Variants in PPM1A observed in about 807,000 individuals in gnomAD.
The protein encoded by PPM1A is protein phosphatase, Mg2+/Mn2+ dependent 1A.
A neutral mutation model predicts 35.0 loss-of-function variants in PPM1A; 7 were observed. The observed-to-expected ratio is 0.20, with a 90% confidence interval of 0.11 to 0.38. PPM1A has a LOEUF of 0.38. Among genes scored for constraint, PPM1A ranks in the 10% least tolerant of loss-of-function variants. The probability of loss-of-function intolerance (pLI) is 1.00; values close to 1 mark genes in which losing one functional copy is unlikely to be tolerated. For synonymous variants in PPM1A, 153 were observed against 167.3 expected (o/e 0.91, Z 0.66); for missense variants, 239 against 467.8 (o/e 0.51, Z 4.51).
chr14:60,258,129 C>G (rs1316081196), intron 1 of PPM1A, among the ~76,000 whole-genome samples: 1 of 152,022 alleles, frequency 6.6e-6, no homozygotes, highest in African/African-American at 2.4e-5. Flanking sequence ...GGTGTTTCAA[C>G]TAGTCAGCCA....
chr14:60,288,433 G>A (rs1373054240), intron 3 of PPM1A: 9 of 984,406 alleles, frequency 9.1e-6, no homozygotes, highest in African/African-American at 1.7e-5. Flanking sequence ...TTGTGAAATT[G>A]TGCAGTTTAG....
intron 1 of PPM1A, chr14:60,268,452 T>G (rs1884653357): frequency 1.1e-6 from 1 of 942,046 alleles, no homozygotes; most frequent in Non-Finnish European, 1.3e-6. Flanking sequence ...ATAGCCTGTT[T>G]GGCTTCTAAT....
rs1156651355 is a variant in PPM1A, at chr14:60,292,117, A to G, written c.1120-336A>G. Among the ~76,000 whole-genome samples the G allele has an allele frequency of 6.6e-6, 1 of 152,158 alleles. No individual in the cohort carries two copies. Among genetic ancestry groups the G allele is most frequent in the Non-Finnish European group, 1.5e-5 (1 of 68,008 alleles). On this transcript the variant is annotated intron_variant, in intron 5 of 5. Transcript: ENST00000395076. The surrounding 1 kb of genome is among the most constrained non-coding windows in gnomAD (Gnocchi z 4.2). ...AGTTCTTAATCTTTTCTGATGCATT[A>G]AAGGTTTATAAAAGTGGTATTCTAA...
rs117905686 is a variant in PPM1A, at chr14:60,268,620, T to C, written c.-20-14064T>C. On this transcript the variant is annotated intron_variant, in intron 1 of 5. Transcript: ENST00000395076. ...TTTTCTTTTTAGGTTGAATATTTAG[T>C]ATACTGATTTTCTTTAGTATACTGG... Among the ~76,000 whole-genome samples, 265 of 152,064 alleles carry C rather than the reference T, an allele frequency of 1.7e-3. 8 individuals carry two copies. In the East Asian group the frequency reaches 0.043, roughly 25 times the overall value.
chr14:60,287,005 T>G (rs1887088747), intron 3 of PPM1A: 1 of 905,984 alleles, frequency 1.1e-6, no homozygotes, highest in Admixed American at 6.2e-5. Context: ...AAACTATTGA[T>G]TCATGGGAAA....
intron 5 of PPM1A, among the ~76,000 whole-genome samples, chr14:60,291,784 A>G (rs868768003): frequency 1.4e-5 from 2 of 138,830 alleles, no homozygotes; most frequent in African/African-American, 2.7e-5. Flanking sequence ...AGTTGGGACT[A>G]TCTCTACTCA....
At position 60,289,830 on chromosome 14, in the gene PPM1A, G is replaced by T; in HGVS notation, c.977G>T (p.Gly326Val). The T allele has an allele frequency of 6.2e-7, 1 of 1,609,220 alleles. No individual in the cohort carries two copies. The highest frequency in any genetic ancestry group is 8.5e-7 in the Non-Finnish European group (1 of 1,178,380). ...GAAATCATAAAGAAGCAGGGGGAAG[G>T]CGTCCCCGACTTAGTCCATGTGATG... is the stretch of plus-strand genomic sequence containing the variant. ...VEEIIKKQGE[G>V]VPDLVHVMRT... Residue 326 changes from glycine (G) to valine (V), a missense_variant, in exon 4 of 6, where the codon GGC (glycine) becomes GTC (valine). Physicochemically the swap from Gly to Val is moderately radical, Grantham distance 109. Around this residue, in one of 2 missense-constraint regions of PPM1A, gnomAD observed 64 missense variants for 78.6 expected, o/e 0.81. Transcript: ENST00000395076. The surrounding 1 kb of genome is among the most constrained non-coding windows in gnomAD (Gnocchi z 4.1).
intron 1 of PPM1A, among the ~76,000 whole-genome samples, chr14:60,251,632 G>A (rs1460173269): frequency 2.6e-5 from 4 of 152,090 alleles, no homozygotes; most frequent in Admixed American, 1.3e-4. Context: ...TATCAATATT[G>A]TGTGTCTAGT....
rs190104555 is a variant in PPM1A, at chr14:60,253,922, G to A, written c.-21+4245G>A. On this transcript the variant is annotated intron_variant, in intron 1 of 5. Coordinates refer to ENST00000395076, the MANE Select transcript of PPM1A (RefSeq NM_021003.5). ...GTTTGAGTCCCTGTTCTCCTATTTCGTAGCCAGGTGTTCCTGGGTAAGCTA... is the reference window on the plus strand; with the variant it reads ...GTTTGAGTCCCTGTTCTCCTATTTCATAGCCAGGTGTTCCTGGGTAAGCTA... Among the ~76,000 whole-genome samples, 71 of 152,250 alleles carry A rather than the reference G, an allele frequency of 4.7e-4. 1 individual carries two copies. The highest frequency in any genetic ancestry group is 8.3e-4 in the South Asian group (4 of 4,826).
At chr14:60,277,024 C>G in intron 1 of PPM1A, 1 of 1,186,134 alleles carries the variant, frequency 8.4e-7, no homozygotes, top group Non-Finnish European at 1.1e-6. Context: ...TTGAAAAGTT[C>G]AGATCAACTG....
rs1011238187 is a variant in PPM1A at position 60,297,387 on chromosome 14, T to G, written c.*4905T>G. The G allele has an allele frequency of 6.6e-6, 1 of 151,680 alleles. No homozygotes were observed. Among genetic ancestry groups the G allele is most frequent in the Non-Finnish European group, 1.5e-5 (1 of 67,672 alleles). 9.4% of individuals were successfully genotyped at this position (151,680 alleles called of 1,614,324 possible). On this transcript the variant is annotated 3_prime_UTR_variant, in exon 6 of 6. Coordinates refer to ENST00000395076, the MANE Select transcript of PPM1A (RefSeq NM_021003.5). ...CACATAAACCAACAAGAATGAACCT[T>G]TGCTGCTTCAGATAATTTGATTTTT...
rs1887816058 is a variant in PPM1A at position 60,293,358 on chromosome 14, T to TA, written c.*878dup. 1 of 152,010 alleles carries TA rather than the reference T, an allele frequency of 6.6e-6. No homozygotes were observed. Among genetic ancestry groups the TA allele is most frequent in the Non-Finnish European group, 1.5e-5 (1 of 67,952 alleles). 9.4% of individuals were successfully genotyped at this position (152,010 alleles called of 1,614,324 possible). On this transcript the variant is annotated 3_prime_UTR_variant, in exon 6 of 6. Coordinates refer to ENST00000395076, the MANE Select transcript of PPM1A (RefSeq NM_021003.5). This position sits in a 1 kb window ranked among gnomAD's most constrained non-coding sequence, Gnocchi z 4.0. ...AGCTTGATTTAACAAACAAGAAACT[T>TA]AATCATGTATGTGTAATTCCTCTTT...
In PPM1A at chr14:60,249,557, C is replaced by A; in HGVS notation, c.-141C>A. ...GCCCCTTCCCCAGCCTGACCTGGCC[C>A]GCCGCTGCAGCGGTGACCCCTCCCC... is the stretch of plus-strand genomic sequence containing the variant. On this transcript the variant is annotated 5_prime_UTR_variant, in exon 1 of 6. Transcript: ENST00000395076. This position sits in a 1 kb window ranked among gnomAD's most constrained non-coding sequence, Gnocchi z 4.5. 1 of 985,856 alleles carries A rather than the reference C, an allele frequency of 1.0e-6. No individual in the cohort carries two copies. Among genetic ancestry groups the A allele is most frequent in the Non-Finnish European group, 1.2e-6 (1 of 830,036 alleles). The allele number at this position is 985,856 out of a possible 1,614,324, so 61.1% of individuals were successfully genotyped here.
upstream of PPM1A, chr14:60,246,051 T>C: frequency 6.4e-7 from 1 of 1,568,872 alleles, no homozygotes; most frequent in South Asian, 1.2e-5. Context: ...AAACAGGTAG[T>C]GAGGGAGGAA....
chr14:60,267,149 A>C (rs1158282028), intron 1 of PPM1A: 1 of 152,032 alleles, frequency 6.6e-6, no homozygotes, highest in Non-Finnish European at 1.5e-5. Flanking sequence ...TTATAATTTT[A>C]TGCCTCTTTT....
intron 3 of PPM1A, chr14:60,286,694 T>G: frequency 1.0e-6 from 1 of 984,584 alleles, no homozygotes; most frequent in Non-Finnish European, 1.2e-6. Context: ...TTTTTCCCCT[T>G]TTTACTGTTT....
At chr14:60,249,024 T>A (rs1881986452), upstream of PPM1A, among the ~76,000 whole-genome samples, 1 of 151,976 alleles carries the variant, frequency 6.6e-6, no homozygotes, top group South Asian at 2.1e-4. The surrounding 1 kb of genome is among the most constrained non-coding windows in gnomAD (Gnocchi z 4.5). Flanking sequence ...AGAAGCTGGG[T>A]AAGGCAGTGA....
rs373046176 is a variant in PPM1A, at chr14:60,294,346, T to C, written c.*1864T>C. 5.1e-4 allele frequency: 78 copies of C among 152,050 alleles called. No individual in the cohort carries two copies. Among genetic ancestry groups the C allele is most frequent in the African/African-American group, 1.8e-3 (76 of 41,538 alleles). 9.4% of individuals were successfully genotyped at this position (152,050 alleles called of 1,614,324 possible). On this transcript the variant is annotated 3_prime_UTR_variant, in exon 6 of 6. Transcript: ENST00000395076. ...GAAAAACTGAAGTACTATTTATATT[T>C]AGAAATTCATATCAGTTGAAATTAC...
intron 4 of PPM1A, among the ~76,000 whole-genome samples, 190 bp from the exon 5 acceptor site, chr14:60,291,207 C>T (rs73317860): frequency 0.013 from 1,932 of 152,054 alleles, 46 homozygotes; most frequent in African/African-American, 0.044. Flanking sequence ...TTAGAGTAGA[C>T]TCACCTCTGC....
Sources: allele counts gnomAD v4.1 joint callset (sites outside exome capture counted in the v4.1 genomes callset), GRCh38; gene constraint gnomAD v4.1.1; regional missense constraint gnomAD v4.1.1; non-coding constraint Gnocchi (gnomAD v3.1); transcripts MANE v1.5; gene names NCBI Gene and HGNC (gene_info 2026-07-23, HGNC 2026-07-21).